LANCL1: variants seen among roughly 807,000 people sequenced by gnomAD.
LANCL1 encodes LanC like glutathione S-transferase 1.
In LANCL1, 50 loss-of-function variants were observed where a neutral mutation model predicts 50.6. The observed-to-expected ratio is 0.99, with a 90% CI of 0.79 to 1.25. LANCL1 has a LOEUF of 1.25. LANCL1 is among the 50% of genes most tolerant of loss of function. The probability of loss-of-function intolerance (pLI) is 0.00; values close to 1 mark genes in which losing one functional copy is unlikely to be tolerated. For synonymous variants in LANCL1, 188 were observed against 178.6 expected (o/e 1.05, Z -0.42); for missense variants, 532 against 480.7 (o/e 1.11, Z -1.00).
At chr2:210,470,097 G>A (rs1036259123) in intron 3 of LANCL1, among the ~76,000 whole-genome samples, 7 of 152,074 alleles carry the variant, frequency 4.6e-5, no homozygotes, top group South Asian at 2.1e-4. Context: ...ACAACTGTGC[G>A]CTGTGCTTGT....
At chr2:210,444,428 T>C (rs1043774301) in intron 4 of LANCL1, among the ~76,000 whole-genome samples, 12 of 152,158 alleles carry the variant, frequency 7.9e-5, no homozygotes, top group Admixed American at 6.5e-4. Flanking sequence ...AATGAGATGA[T>C]TTTAGTGAGT....
At chr2:210,449,450 G>A (rs1333525368) in intron 4 of LANCL1, among the ~76,000 whole-genome samples, 1 of 152,130 alleles carries the variant, frequency 6.6e-6, no homozygotes, top group Non-Finnish European at 1.5e-5. Flanking sequence ...CACAAAACAA[G>A]GATGCCCTCT....
chr2:210,463,023 G>A (rs1693915021), intron 3 of LANCL1, among the ~76,000 whole-genome samples: 1 of 152,150 alleles, frequency 6.6e-6, no homozygotes, highest in South Asian at 2.1e-4. Flanking sequence ...TAGAGGCTGA[G>A]AGTAAACACA....
intron 7 of LANCL1, among the ~76,000 whole-genome samples, chr2:210,437,044 C>A (rs1692955057): frequency 6.6e-6 from 1 of 152,094 alleles, no homozygotes; most frequent in African/African-American, 2.4e-5. Flanking sequence ...CGATAGTCTG[C>A]AGAGTTGTAA....
intron 3 of LANCL1, among the ~76,000 whole-genome samples, chr2:210,464,768 C>T (rs1693987054): frequency 6.6e-6 from 1 of 150,970 alleles, no homozygotes; most frequent in Admixed American, 6.6e-5. Flanking sequence ...AGATCGAGAC[C>T]ATTCTGGCTA....
chr2:210,453,920 C>G (rs1453106892), intron 4 of LANCL1, among the ~76,000 whole-genome samples: 1 of 152,084 alleles, frequency 6.6e-6, no homozygotes, highest in Non-Finnish European at 1.5e-5. Context: ...AGCTTCTCAG[C>G]TCTGGAGTGG....
At chr2:210,452,020 T>C (rs1041324551) in intron 4 of LANCL1, among the ~76,000 whole-genome samples, 5 of 152,036 alleles carry the variant, frequency 3.3e-5, no homozygotes, top group African/African-American at 1.2e-4. Flanking sequence ...CAGGGGATGA[T>C]GGTATGGGGG....
intron 3 of LANCL1, among the ~76,000 whole-genome samples, chr2:210,467,002 C>A (rs1413608574): frequency 6.6e-6 from 1 of 151,910 alleles, no homozygotes; most frequent in Non-Finnish European, 1.5e-5. Flanking sequence ...TGGAGAAATT[C>A]AAGAGCTAAT....
intron 6 of LANCL1, among the ~76,000 whole-genome samples, chr2:210,438,447 T>A (rs1693014481): frequency 6.6e-6 from 1 of 152,230 alleles, no homozygotes; most frequent in Non-Finnish European, 1.5e-5. Flanking sequence ...TTGTATATAT[T>A]GTTTTTCAAT....
intron 4 of LANCL1, among the ~76,000 whole-genome samples, chr2:210,447,468 T>C (rs542939866): frequency 9.2e-5 from 14 of 152,134 alleles, no homozygotes; most frequent in Non-Finnish European, 1.8e-4. Flanking sequence ...AATAACCAGC[T>C]ACATCATAAT....
rs558869624 is a variant in LANCL1, at chr2:210,434,392, C to T, written c.*95G>A. The T allele has an allele frequency of 6.2e-5, 53 of 858,418 alleles. 1 individual carries two copies. The highest frequency in any genetic ancestry group is 4.4e-4 in the Admixed American group (18 of 40,984). The allele number at this position is 858,418 out of a possible 1,614,324, so 53.2% of individuals were successfully genotyped here. On this transcript the variant is annotated 3_prime_UTR_variant, in exon 10 of 10. Coordinates refer to ENST00000450366, the MANE Select transcript of LANCL1 (RefSeq NM_006055.3). ...TAACAAAATCAAGTCCACAGTTTGA[C>T]TCTTTGTTTCCTTGGAAAGCAACGG...
chr2:210,434,898 C>T lies in LANCL1; in HGVS notation c.1124-335G>A, dbSNP rs185471906. ...AACATTAACAACATTACAATATTAACGGCAATGATTTAAATGAAGTGTGAA... is the reference window on the plus strand; with the variant it reads ...AACATTAACAACATTACAATATTAATGGCAATGATTTAAATGAAGTGTGAA... On this transcript the variant is annotated intron_variant, in intron 9 of 9. Coordinates refer to ENST00000450366, the MANE Select transcript of LANCL1 (RefSeq NM_006055.3). Among the ~76,000 whole-genome samples, 547 of 151,890 alleles carry T rather than the reference C, an allele frequency of 3.6e-3. 5 individuals are homozygous for T. Among genetic ancestry groups the T allele is most frequent in the Non-Finnish European group, 4.5e-3 (307 of 67,976 alleles).
Position 210,440,685 on chromosome 2 carries a change from T to G in LANCL1, c.603A>C (p.Ala201=). 6.2e-7 allele frequency: 1 copy of G among 1,614,110 alleles called. No individual in the cohort carries two copies. Among genetic ancestry groups the G allele is most frequent in the Non-Finnish European group, 8.5e-7 (1 of 1,179,964 alleles). ...ACCATTCATACATCAGTGGAGACTTTGCCGTGAAGTTTCTCTTCCTAGCTA... is the reference window on the plus strand; with the variant it reads ...ACCATTCATACATCAGTGGAGACTTGGCCGTGAAGTTTCTCTTCCTAGCTA... ...ENLARKRNFT[A]KSPLMYEWYQ... The change falls in exon 6 of 10, where the codon GCA becomes GCC. Residue 201 remains alanine, a synonymous_variant. Transcript: ENST00000450366.
intron 3 of LANCL1, among the ~76,000 whole-genome samples, chr2:210,471,292 G>A (rs1694216346): frequency 6.6e-6 from 1 of 151,082 alleles, no homozygotes; most frequent in African/African-American, 2.4e-5. Context: ...TGATCCACCC[G>A]CCTCGGCCTC....
upstream of LANCL1, chr2:210,477,498 G>C (rs987176801): frequency 2.2e-5 from 28 of 1,275,958 alleles, no homozygotes; most frequent in East Asian, 8.2e-4. Flanking sequence ...TTGGAGTTCA[G>C]TTAAAAAGTC....
At chr2:210,459,530 C>A (rs368979070) in intron 3 of LANCL1, among the ~76,000 whole-genome samples, 1 of 152,014 alleles carries the variant, frequency 6.6e-6, no homozygotes, top group Admixed American at 6.6e-5. Flanking sequence ...TCATGCTAGC[C>A]ACATTTAGAA....
chr2:210,454,199 A>G (rs1693593525), intron 4 of LANCL1, among the ~76,000 whole-genome samples: 1 of 150,090 alleles, frequency 6.7e-6, no homozygotes, highest in Admixed American at 6.7e-5. Context: ...AAATTGGGAG[A>G]GAAGGGAGAT....
At chr2:210,446,484 C>A (rs564419394) in intron 4 of LANCL1, among the ~76,000 whole-genome samples, 1 of 152,094 alleles carries the variant, frequency 6.6e-6, no homozygotes, top group East Asian at 1.9e-4. Flanking sequence ...AGCAAGGGAA[C>A]AAAACTGGGT....
At chr2:210,437,171 G>A (rs530315451) in intron 7 of LANCL1, among the ~76,000 whole-genome samples, 46 of 152,158 alleles carry the variant, frequency 3.0e-4, no homozygotes, top group Non-Finnish European at 5.3e-4. Context: ...GCACTACAAT[G>A]GAATCATACA....
Sources: gnomAD v4.1 joint callset for allele counts (sites outside exome capture counted in the v4.1 genomes callset) on GRCh38, gnomAD v4.1.1 for gene constraint, MANE v1.5 for transcripts, NCBI Gene and HGNC (gene_info 2026-07-23, HGNC 2026-07-21) for gene names.